OPRM1: variants seen among roughly 807,000 people sequenced by gnomAD.
The protein encoded by OPRM1 is opioid receptor mu 1.
A neutral mutation model predicts 31.8 loss-of-function variants in OPRM1; 27 were observed. That is an observed-to-expected ratio of 0.85 (90% CI 0.63 to 1.17). The LOEUF (loss-of-function observed/expected upper bound fraction) is 1.17. Ranked by LOEUF, OPRM1 falls within the 50% of genes most tolerant of loss-of-function variation. The pLI, the probability that OPRM1 is intolerant of heterozygous loss-of-function variation, is 0.00. For synonymous variants in OPRM1, 196 were observed against 189.9 expected, an observed-to-expected ratio of 1.03 and a Z score of -0.26; for missense variants, 536 against 511.1, an observed-to-expected ratio of 1.05 and a Z score of -0.47.
At chr6:154,225,715 T>G (rs1321001369) in intron 3 of OPRM1, among the ~76,000 whole-genome samples, 1 of 152,220 alleles carries the variant, frequency 6.6e-6, no homozygotes, top group Middle Eastern at 3.2e-3. Context: ...GCCACTGAAC[T>G]GCTCACTTTA....
At chr6:154,209,777 T>C (rs1360911337) in intron 3 of OPRM1, among the ~76,000 whole-genome samples, 2 of 152,050 alleles carry the variant, frequency 1.3e-5, no homozygotes, top group African/African-American at 4.8e-5. Context: ...ACAAAATCTG[T>C]CTGGGAAATA....
intron 1 of OPRM1, among the ~76,000 whole-genome samples, chr6:154,031,157 T>C (rs1048219473): frequency 1.3e-5 from 2 of 152,226 alleles, no homozygotes; most frequent in Non-Finnish European, 2.9e-5. Context: ...ATAAATCTCA[T>C]TTCAAAAATG....
rs559053753 is a variant in OPRM1 at position 154,060,041 on chromosome 6, G to A, written c.290+20207G>A. ...TTTATTGCCGCAAGGAATCCAAATGGGAGAGGGGTTATAGCAAGATAATAG... is the reference window on the plus strand; with the variant it reads ...TTTATTGCCGCAAGGAATCCAAATGAGAGAGGGGTTATAGCAAGATAATAG... On this transcript the variant is annotated intron_variant, in intron 1 of 3. Coordinates refer to ENST00000330432, the MANE Select transcript of OPRM1 (RefSeq NM_000914.5). Among the ~76,000 whole-genome samples the A allele has an allele frequency of 5.3e-5, 8 of 152,274 alleles. No individual in the cohort carries two copies. The East Asian group carries it at 1.5e-3, about 29-fold the overall frequency.
chr6:154,084,880 G>C (rs1267163054), intron 1 of OPRM1, among the ~76,000 whole-genome samples: 1 of 150,506 alleles, frequency 6.6e-6, no homozygotes, highest in African/African-American at 2.4e-5. Flanking sequence ...TTATGAAAAA[G>C]GTAGTTGAGC....
intron 1 of OPRM1, among the ~76,000 whole-genome samples, chr6:154,019,540 C>T (rs567033294): frequency 6.6e-6 from 1 of 151,966 alleles, no homozygotes; most frequent in African/African-American, 2.4e-5. Flanking sequence ...AATTCGTACA[C>T]TCTTCCCATT....
chr6:154,107,527 A>G (rs1468462797), intron 3 of OPRM1: 5 of 718,506 alleles, frequency 7.0e-6, no homozygotes, highest in Non-Finnish European at 1.3e-5. Flanking sequence ...GCTACAATGC[A>G]GGGCAGTCTC....
At chr6:154,238,965 A>C (rs770281537) in intron 3 of OPRM1, among the ~76,000 whole-genome samples, 2 of 152,138 alleles carry the variant, frequency 1.3e-5, no homozygotes, top group Non-Finnish European at 2.9e-5. Context: ...CACCGACAAA[A>C]GTACTATGCA....
At chr6:154,023,666 A>G (rs1038877744) in intron 1 of OPRM1, among the ~76,000 whole-genome samples, 16 of 152,114 alleles carry the variant, frequency 1.1e-4, no homozygotes, top group African/African-American at 3.6e-4. Context: ...CCCATTTGGT[A>G]TGATAATAAC....
upstream of OPRM1, among the ~76,000 whole-genome samples, chr6:154,036,716 A>T (rs1053902057): frequency 5.3e-5 from 8 of 152,138 alleles, no homozygotes; most frequent in African/African-American, 1.7e-4. Flanking sequence ...CATTAAAAAA[A>T]TCACCCAGAT....
chr6:154,026,016 A>G (rs967406523), intron 1 of OPRM1, among the ~76,000 whole-genome samples: 1 of 152,068 alleles, frequency 6.6e-6, no homozygotes, highest in African/African-American at 2.4e-5. Context: ...GTTTCTGTGT[A>G]CTTACTATCA....
intron 3 of OPRM1, among the ~76,000 whole-genome samples, chr6:154,194,003 T>C (rs573353808): frequency 2.9e-4 from 44 of 152,304 alleles, no homozygotes; most frequent in African/African-American, 9.9e-4. Context: ...TCATAATAAA[T>C]GTGGTATTCT....
chr6:154,039,121 A>C (rs535869460), upstream of OPRM1: 58 of 1,532,256 alleles, frequency 3.8e-5, no homozygotes, highest in South Asian at 2.2e-4. Flanking sequence ...GACTAACTCT[A>C]TCTCTCTCCC....
chr6:154,182,438 C>G (rs1057035508), intron 3 of OPRM1, among the ~76,000 whole-genome samples: 1 of 152,122 alleles, frequency 6.6e-6, no homozygotes, highest in African/African-American at 2.4e-5. Context: ...GACTCCATTG[C>G]TCAACTATCT....
chr6:154,117,506 G>C (rs1219069127), intron 3 of OPRM1, among the ~76,000 whole-genome samples: 1 of 152,172 alleles, frequency 6.6e-6, no homozygotes, highest in Non-Finnish European at 1.5e-5. Flanking sequence ...GATGGGACCA[G>C]ACTGCAGTAC....
chr6:154,210,995 A>T (rs959907296), intron 3 of OPRM1, among the ~76,000 whole-genome samples: 2 of 152,246 alleles, frequency 1.3e-5, no homozygotes, highest in Non-Finnish European at 2.9e-5. Context: ...AACACAATAA[A>T]GATAAAAACT....
intron 3 of OPRM1, chr6:154,212,778 G>C (rs1307022756): frequency 1.2e-6 from 2 of 1,609,674 alleles, no homozygotes; most frequent in East Asian, 4.5e-5. Context: ...ACCAAAGACT[G>C]AGTCTGGGAA....
chr6:154,043,491 G>A (rs1287996016), intron 1 of OPRM1, among the ~76,000 whole-genome samples: 1 of 151,452 alleles, frequency 6.6e-6, no homozygotes, highest in Non-Finnish European at 1.5e-5. Flanking sequence ...ACAAATTAGT[G>A]AACAATAATG....
At chr6:154,244,284 C>T (rs1780838964) in intron 3 of OPRM1, among the ~76,000 whole-genome samples, 1 of 120,420 alleles carries the variant, frequency 8.3e-6, no homozygotes, top group Non-Finnish European at 1.7e-5. Flanking sequence ...AATTAAGATT[C>T]GGTGTGTGTG....
chr6:154,238,858 C>A (rs539911064), intron 3 of OPRM1, among the ~76,000 whole-genome samples: 2 of 151,656 alleles, frequency 1.3e-5, no homozygotes, highest in East Asian at 3.9e-4. Context: ...ATTGTATAAT[C>A]TTTTAAAGCA....
Sources: gnomAD v4.1 joint callset for allele counts (sites outside exome capture counted in the v4.1 genomes callset) on GRCh38, gnomAD v4.1.1 for gene constraint, MANE v1.5 for transcripts, NCBI Gene and HGNC (gene_info 2026-07-23, HGNC 2026-07-21) for gene names.